Variants in PLEKHA5 observed in about 807,000 individuals in gnomAD.
The protein encoded by PLEKHA5 is pleckstrin homology domain-containing family A member 5.
PLEKHA5 carries 55 observed loss-of-function variants against 181.9 expected under a neutral mutation model. The observed-to-expected ratio is 0.30, with a 90% CI of 0.24 to 0.38. The LOEUF (loss-of-function observed/expected upper bound fraction) is 0.38, where lower values mean the gene tolerates loss of function less well. Among genes scored for constraint, PLEKHA5 ranks in the 10% least tolerant of loss-of-function variants. The pLI is 1.00. For synonymous variants in PLEKHA5, 535 were observed against 529.4 expected, an observed-to-expected ratio of 1.01 and a Z score of -0.15; for missense variants, 1,432 against 1,549.5, an observed-to-expected ratio of 0.92 and a Z score of 1.27.
intron 22 of PLEKHA5, among the ~76,000 whole-genome samples, chr12:19,343,976 C>T (rs546997325): frequency 5.3e-5 from 8 of 151,496 alleles, no homozygotes; most frequent in Non-Finnish European, 7.4e-5. Context: ...CGCTTGAACC[C>T]GGGAGGTGGA....
intron 3 of PLEKHA5, among the ~76,000 whole-genome samples, chr12:19,219,973 A>T (rs934892024): frequency 6.6e-6 from 1 of 152,160 alleles, no homozygotes; most frequent in African/African-American, 2.4e-5. Flanking sequence ...TTGATAGAAG[A>T]ATTGTAGATA....
At chr12:19,253,519 A>G (rs1276465542) in intron 3 of PLEKHA5, among the ~76,000 whole-genome samples, 1 of 152,010 alleles carries the variant, frequency 6.6e-6, no homozygotes, top group Non-Finnish European at 1.5e-5. Context: ...ATATTTAGGA[A>G]TCTCAAAAGG....
chr12:19,222,861 G>T (rs749475112), intron 3 of PLEKHA5, among the ~76,000 whole-genome samples: 1 of 152,064 alleles, frequency 6.6e-6, no homozygotes, highest in African/African-American at 2.4e-5. Context: ...CACACTTCGG[G>T]GGGTAGCTGC....
At chr12:19,296,561 A>G (rs2079865595) in intron 15 of PLEKHA5, among the ~76,000 whole-genome samples, 1 of 149,156 alleles carries the variant, frequency 6.7e-6, no homozygotes, top group Middle Eastern at 3.4e-3. Context: ...AAAAAAAAAA[A>G]ATGTATTCAG....
intron 3 of PLEKHA5, among the ~76,000 whole-genome samples, chr12:19,134,263 A>G (rs1394575166): frequency 1.3e-5 from 2 of 152,086 alleles, no homozygotes; most frequent in Non-Finnish European, 1.5e-5. Flanking sequence ...TTTGAGTGCC[A>G]TGTCTAATGC....
At chr12:19,231,633 T>TATTA (rs2060637013) in intron 3 of PLEKHA5, among the ~76,000 whole-genome samples, 1 of 145,818 alleles carries the variant, frequency 6.9e-6, no homozygotes, top group South Asian at 2.2e-4. Flanking sequence ...AAGCTTGAGT[T>TATTA]ATTTTATATT....
intron 26 of PLEKHA5, among the ~76,000 whole-genome samples, chr12:19,355,559 C>G (rs2094882477): frequency 6.6e-6 from 1 of 151,634 alleles, no homozygotes; most frequent in African/African-American, 2.4e-5. Context: ...GGGTCTCTCT[C>G]TGTTGCCCAG....
chr12:19,274,400 C>G, intron 10 of PLEKHA5, 116 bp from the exon 11 acceptor site: 1 of 668,338 alleles, frequency 1.5e-6, no homozygotes. Context: ...CACTGTGACC[C>G]TTTCCAGTCC....
intron 3 of PLEKHA5, among the ~76,000 whole-genome samples, chr12:19,146,429 C>G (rs935825162): frequency 2.6e-5 from 4 of 151,998 alleles, no homozygotes; most frequent in Admixed American, 1.3e-4. Context: ...TTTTTGATAT[C>G]TAGGCCAGTT....
rs556793926 is a variant in PLEKHA5, at chr12:19,197,797, C to T, written c.228-56143C>T. On this transcript the variant is annotated intron_variant, in intron 3 of 31. Transcript: ENST00000429027. ...CGTATGCCAGTCAGCCATAAATCTTCATCTCCACCTCTTTCCTCATCTCCA... is the reference window on the plus strand; with the variant it reads ...CGTATGCCAGTCAGCCATAAATCTTTATCTCCACCTCTTTCCTCATCTCCA... Among the ~76,000 whole-genome samples the T allele has an allele frequency of 9.1e-5, 12 of 131,756 alleles. No homozygotes were observed. The East Asian group carries it at 2.9e-3, about 31-fold the overall frequency. The allele number at this position is 131,756 out of a possible 152,430, so 86.4% of individuals were successfully genotyped here.
rs34944576 is a variant in PLEKHA5 at position 19,214,879 on chromosome 12, T to TA, written c.228-39047dup. ...TTTGAAAGCAGCATATTTCTTTCCT[T>TA]AAAAAAAAAAAAAATTGGCTGGGTG... On this transcript the variant is annotated intron_variant, in intron 3 of 31. Coordinates refer to ENST00000429027, the MANE Select transcript of PLEKHA5 (RefSeq NM_001256470.2). Among the ~76,000 whole-genome samples, 138 of 148,832 alleles carry TA rather than the reference T, an allele frequency of 9.3e-4. 2 individuals carry two copies. The highest frequency in any genetic ancestry group is 2.8e-3 in the African/African-American group (115 of 40,702).
intron 12 of PLEKHA5, among the ~76,000 whole-genome samples, chr12:19,286,982 A>AG (rs1429149764): frequency 1.3e-5 from 2 of 151,222 alleles, no homozygotes; most frequent in Admixed American, 1.3e-4. Context: ...AAAAAAAAAA[A>AG]GAATTACTCT....
intron 3 of PLEKHA5, chr12:19,149,944 G>A (rs1215294038): frequency 1.3e-5 from 2 of 152,230 alleles, no homozygotes; most frequent in East Asian, 1.9e-4. Context: ...TCCATCTTTG[G>A]ATAGGAGGAG....
intron 3 of PLEKHA5, chr12:19,149,392 T>C (rs1233908934): frequency 6.6e-6 from 1 of 150,512 alleles, no homozygotes; most frequent in Non-Finnish European, 1.5e-5. Flanking sequence ...AGGTCCCAGC[T>C]ACTCAGGAGG....
intron 3 of PLEKHA5, chr12:19,153,763 TG>T (rs2151349801): frequency 6.6e-6 from 1 of 152,326 alleles, no homozygotes; most frequent in East Asian, 1.9e-4. Context: ...CTGTTGGGTT[TG>T]TTGATACTTC....
At chr12:19,355,243 T>C (rs949779282) in intron 26 of PLEKHA5, among the ~76,000 whole-genome samples, 9 of 152,162 alleles carry the variant, frequency 5.9e-5, no homozygotes, top group African/African-American at 1.7e-4. Context: ...GCTGCAAAAA[T>C]GCTTCTACTT....
intron 15 of PLEKHA5, among the ~76,000 whole-genome samples, chr12:19,293,391 A>G (rs2078969120): frequency 6.6e-6 from 1 of 152,188 alleles, no homozygotes; most frequent in Non-Finnish European, 1.5e-5. Context: ...TTTAAAAATC[A>G]GCATTTCATG....
intron 6 of PLEKHA5, among the ~76,000 whole-genome samples, chr12:19,260,747 C>T (rs2068233757): frequency 6.6e-6 from 1 of 152,048 alleles, no homozygotes; most frequent in African/African-American, 2.4e-5. Context: ...GTAACCCCAG[C>T]TACTCTGGAG....
chr12:19,319,807 C>A, intron 16 of PLEKHA5: 1 of 359,590 alleles, frequency 2.8e-6, no homozygotes, highest in South Asian at 3.3e-5. Flanking sequence ...ATCTTTTAAC[C>A]AAAATGTACT....
Sources: gnomAD v4.1 joint callset for allele counts (sites outside exome capture counted in the v4.1 genomes callset) on GRCh38, gnomAD v4.1.1 for gene constraint, MANE v1.5 for transcripts, NCBI Gene and HGNC (gene_info 2026-07-23, HGNC 2026-07-21) for gene names.